The following CFAP69 variants were observed in gnomAD, a reference collection of about 807,000 sequenced individuals.
CFAP69 encodes cilia and flagella associated protein 69, also known as cilia- and flagella-associated protein 69.
In CFAP69, 92 loss-of-function variants were observed where a neutral mutation model predicts 123.0. That is an observed-to-expected ratio of 0.75 (90% CI 0.63 to 0.89). CFAP69 has a LOEUF of 0.89. CFAP69 is among the 40% of genes least tolerant of loss of function. The pLI, the probability that CFAP69 is intolerant of heterozygous loss-of-function variation, is 0.00. For synonymous variants in CFAP69, 380 were observed against 364.3 expected, an observed-to-expected ratio of 1.04 and a Z score of -0.49; for missense variants, 1,067 against 1,096.9, an observed-to-expected ratio of 0.97 and a Z score of 0.39.
intron 6 of CFAP69, among the ~76,000 whole-genome samples, chr7:90,271,248 A>G (rs921517978): frequency 6.6e-6 from 1 of 152,136 alleles, no homozygotes; most frequent in Non-Finnish European, 1.5e-5. Context: ...GAACACAGCC[A>G]TGTCCACTTA....
intron 3 of CFAP69, among the ~76,000 whole-genome samples, chr7:90,259,332 C>T (rs1219175872): frequency 1.3e-5 from 2 of 152,202 alleles, no homozygotes; most frequent in South Asian, 4.1e-4. Context: ...TTGCTGAAAC[C>T]CAGGAATTCA....
intron 14 of CFAP69, 21 bp downstream of exon 14, chr7:90,286,420 T>G: frequency 6.2e-7 from 1 of 1,608,202 alleles, no homozygotes; most frequent in Non-Finnish European, 8.5e-7. Flanking sequence ...CTGTGAAAGT[T>G]TTGTTCAGGT....
intron 11 of CFAP69, among the ~76,000 whole-genome samples, chr7:90,278,394 A>G (rs1225252533): frequency 1.3e-5 from 2 of 152,158 alleles, no homozygotes; most frequent in Non-Finnish European, 2.9e-5. Context: ...TCAGGAAAAG[A>G]AAAGTTGTCT....
chr7:90,249,067 G>T (rs773331447), intron 1 of CFAP69, among the ~76,000 whole-genome samples: 6 of 152,116 alleles, frequency 3.9e-5, no homozygotes, highest in Non-Finnish European at 8.8e-5. Flanking sequence ...TATTTACAGG[G>T]TTATATGGTT....
chr7:90,287,498 T>C, intron 14 of CFAP69: 1 of 985,426 alleles, frequency 1.0e-6, no homozygotes. Context: ...TTTATCTTTT[T>C]TAGCTCCATA....
chr7:90,311,893 G>A (rs1413724348), downstream of CFAP69, among the ~76,000 whole-genome samples: 1 of 152,108 alleles, frequency 6.6e-6, no homozygotes, highest in African/African-American at 2.4e-5. Context: ...GAAGATATTA[G>A]AAGGCATAAT....
chr7:90,299,289 T>G (rs985348928), intron 16 of CFAP69, among the ~76,000 whole-genome samples: 2 of 152,172 alleles, frequency 1.3e-5, no homozygotes, highest in African/African-American at 2.4e-5. Context: ...GAAAACTACT[T>G]GTAGCAAAAT....
intron 19 of CFAP69, among the ~76,000 whole-genome samples, chr7:90,305,943 C>CT (rs11340254): frequency 2.7e-3 from 345 of 129,572 alleles, no homozygotes; most frequent in Middle Eastern, 0.012. Flanking sequence ...TTCTTTCCTT[C>CT]TTTTTTTTTT....
chr7:90,306,254 C>T (rs931081793), intron 19 of CFAP69, among the ~76,000 whole-genome samples: 3 of 151,938 alleles, frequency 2.0e-5, no homozygotes, highest in Non-Finnish European at 1.5e-5. Context: ...TAATTTTTTT[C>T]TTTAATTTTA....
chr7:90,292,435 G>A (rs1791337546), intron 15 of CFAP69, among the ~76,000 whole-genome samples: 2 of 152,188 alleles, frequency 1.3e-5, no homozygotes, highest in South Asian at 2.1e-4. Context: ...CATCAAGTCT[G>A]ATTCCTCAAA....
intron 13 of CFAP69, among the ~76,000 whole-genome samples, chr7:90,284,434 A>C (rs1326450720): frequency 6.6e-6 from 1 of 152,222 alleles, no homozygotes; most frequent in Non-Finnish European, 1.5e-5. Flanking sequence ...TATTGAAATA[A>C]AATATAAATG....
intron 3 of CFAP69, among the ~76,000 whole-genome samples, chr7:90,258,563 C>T (rs4380867): frequency 0.11 from 16,513 of 151,948 alleles, 2,423 homozygotes; most frequent in East Asian, 0.61. Context: ...CCTGTGATTA[C>T]GGTGGGCCCA....
intron 15 of CFAP69, among the ~76,000 whole-genome samples, chr7:90,294,374 TCTA>T (rs1437538596): frequency 6.6e-6 from 1 of 152,238 alleles, no homozygotes; most frequent in Non-Finnish European, 1.5e-5. Context: ...TGAACATCAT[TCTA>T]CTTTTTACTT....
At position 90,292,809 on chromosome 7, in the gene CFAP69, T is replaced by C. The variant is rs186135797; in HGVS notation, c.1775+4457T>C. On this transcript the variant is annotated intron_variant, in intron 15 of 22. Transcript: ENST00000389297. ...AAAATTAATTTCTGTTTGATATTCA[T>C]GAACATTTCAGCTCTCTATGAGAGT... 2.6e-5 allele frequency among the ~76,000 whole-genome samples: 4 copies of C among 152,352 alleles called. No homozygotes were observed. In the East Asian group the frequency reaches 7.7e-4, roughly 29 times the overall value.
chr7:90,322,056 A>C, the CFAP69 span, among the ~76,000 whole-genome samples: 1 of 110,026 alleles, frequency 9.1e-6, no homozygotes, highest in Admixed American at 8.3e-5. Flanking sequence ...GGGTGAGATG[A>C]GTGCCAAACC....
chr7:90,299,805 T>C, intron 16 of CFAP69, 62 bp from the exon 17 acceptor site: 1 of 1,303,820 alleles, frequency 7.7e-7, no homozygotes, highest in Non-Finnish European at 1.0e-6. Context: ...TCTTTTTTTT[T>C]TGAAGACAAT....
At chr7:90,275,286 A>G (rs17867610) in intron 9 of CFAP69, among the ~76,000 whole-genome samples, 7,671 of 152,226 alleles carry the variant, frequency 0.05, 282 homozygotes, top group South Asian at 0.11. Context: ...TATTTAACTT[A>G]GCTGTACTCA....
chr7:90,298,923 G>A (rs576607582), intron 16 of CFAP69, among the ~76,000 whole-genome samples: 40 of 152,150 alleles, frequency 2.6e-4, no homozygotes, highest in African/African-American at 8.4e-4. Context: ...TCCTGAAGTA[G>A]AGAAATAAAA....
chr7:90,298,615 T>G (rs1792337560), intron 16 of CFAP69, among the ~76,000 whole-genome samples: 1 of 152,168 alleles, frequency 6.6e-6, no homozygotes, highest in Non-Finnish European at 1.5e-5. Context: ...GAAAGTTAGT[T>G]CATTTCTCTC....
Sources: allele counts gnomAD v4.1 joint callset (sites outside exome capture counted in the v4.1 genomes callset), GRCh38; gene constraint gnomAD v4.1.1; transcripts MANE v1.5; gene names NCBI Gene and HGNC (gene_info 2026-07-23, HGNC 2026-07-21).